The following PLSCR2 variants were observed in gnomAD, a reference collection of about 807,000 sequenced individuals.
PLSCR2 encodes the protein phospholipid scramblase 2, also known as PL scramblase 2.
A neutral mutation model predicts 25.3 loss-of-function variants in PLSCR2; 18 were observed. The ratio of observed to expected loss-of-function variants is 0.71; its 90% confidence interval spans 0.49 to 1.06. PLSCR2 has a LOEUF of 1.06. Among genes scored for constraint, PLSCR2 ranks in the 50% least tolerant of loss-of-function variants. The probability of loss-of-function intolerance (pLI) is 0.00; values close to 1 mark genes in which losing one functional copy is unlikely to be tolerated. For synonymous variants in PLSCR2, 88 were observed against 87.3 expected (o/e 1.01, Z -0.04); for missense variants, 243 against 269.5 (o/e 0.90, Z 0.69).
chr3:146,456,602 G>T (rs1031204875), intron 3 of PLSCR2, among the ~76,000 whole-genome samples: 12 of 152,110 alleles, frequency 7.9e-5, no homozygotes, highest in African/African-American at 2.7e-4. Context: ...AAATCTTGAA[G>T]TTTCCTTCAA....
intron 8 of PLSCR2, among the ~76,000 whole-genome samples, chr3:146,434,537 T>C (rs1383541051): frequency 1.3e-5 from 2 of 151,954 alleles, no homozygotes; most frequent in African/African-American, 2.4e-5. Flanking sequence ...TGTACTTATG[T>C]AGACTTTTAT....
rs375255108 is a variant in PLSCR2, at chr3:146,396,436, G to A, written c.101-515C>T. Among the ~76,000 whole-genome samples, 152 of 152,190 alleles carry A rather than the reference G, an allele frequency of 1.0e-3. 3 individuals are homozygous for A. The South Asian group carries it at 0.031, about 31-fold the overall frequency. ...AAATATAAAACAACAAACCTGGGATGAATCATATTACCTGCCTTGTAATGA... is the reference window on the plus strand; with the variant it reads ...AAATATAAAACAACAAACCTGGGATAAATCATATTACCTGCCTTGTAATGA... On this transcript the variant is annotated intron_variant and NMD_transcript_variant, in intron 2 of 3. Coordinates refer to the PLSCR2 transcript ENST00000463633.
intron 1 of PLSCR2, among the ~76,000 whole-genome samples, chr3:146,478,201 C>G (rs141539187): frequency 9.8e-5 from 15 of 152,302 alleles, no homozygotes; most frequent in African/African-American, 3.1e-4. Context: ...ATCGCAACTG[C>G]TCACCAGCAA....
At position 146,469,492 on chromosome 3, in the gene PLSCR2, T is replaced by TA. The variant is rs971289031; in HGVS notation, c.-292-9209dup. The TA allele has an allele frequency of 5.5e-5, 54 of 983,718 alleles. No individual in the cohort carries two copies. The highest frequency in any genetic ancestry group is 6.3e-5 in the Non-Finnish European group (52 of 828,520). The allele number at this position is 983,718 out of a possible 1,614,324, so 60.9% of individuals were successfully genotyped here. A position where few individuals can be genotyped will look rare whatever the true frequency, so the allele number is the denominator to read the frequency against. ...GAGGCGACTGAGAAAGCCGCCCCCT[T>TA]ACCCGTGGCTGCAGCTGCTCCCGCA... On this transcript the variant is annotated intron_variant, in intron 1 of 8. Transcript: ENST00000336685.
At chr3:146,458,652 C>T (rs1056231526) in intron 2 of PLSCR2, among the ~76,000 whole-genome samples, 199 bp from the exon 3 acceptor site, 6 of 151,946 alleles carry the variant, frequency 3.9e-5, no homozygotes, top group Non-Finnish European at 8.8e-5. Flanking sequence ...TTATTGAAAG[C>T]ATTCACTATT....
At chr3:146,485,916 T>C (rs1487220878) in intron 1 of PLSCR2, among the ~76,000 whole-genome samples, 1 of 151,960 alleles carries the variant, frequency 6.6e-6, no homozygotes, top group Non-Finnish European at 1.5e-5. Context: ...TTTAAAACCA[T>C]CAGATCTTGT....
intron 2 of PLSCR2, among the ~76,000 whole-genome samples, chr3:146,405,322 G>T (rs1352621613): frequency 3.9e-5 from 6 of 152,108 alleles, no homozygotes; most frequent in African/African-American, 1.4e-4. Flanking sequence ...TGAATTCTTG[G>T]GAATTGCGGA....
At chr3:146,400,782 G>A (rs75059285) in intron 2 of PLSCR2, among the ~76,000 whole-genome samples, 124 of 151,890 alleles carry the variant, frequency 8.2e-4, no homozygotes, top group African/African-American at 2.8e-3. Context: ...TCCTAGCTCC[G>A]TGTGTGTATA....
chr3:146,413,488 AT>A (rs1277633007), intron 2 of PLSCR2, among the ~76,000 whole-genome samples: 1 of 152,100 alleles, frequency 6.6e-6, no homozygotes, highest in East Asian at 1.9e-4. Context: ...TTCCTTCAAT[AT>A]TTTGCATAGA....
chr3:146,481,749 C>A (rs2043138601), intron 1 of PLSCR2, among the ~76,000 whole-genome samples: 1 of 152,008 alleles, frequency 6.6e-6, no homozygotes, highest in South Asian at 2.1e-4. Context: ...CATATGGAAC[C>A]AAAAAAGAGA....
intron 8 of PLSCR2, among the ~76,000 whole-genome samples, chr3:146,436,473 T>C (rs1223840920): frequency 6.6e-6 from 1 of 152,204 alleles, no homozygotes; most frequent in Non-Finnish European, 1.5e-5. Context: ...GTAGTTCTCC[T>C]TGAAGAGGTC....
At chr3:146,405,463 A>G (rs974161064) in intron 2 of PLSCR2, among the ~76,000 whole-genome samples, 4 of 152,092 alleles carry the variant, frequency 2.6e-5, no homozygotes, top group Non-Finnish European at 5.9e-5. Context: ...TGGCTCTCTT[A>G]GCTAAGGGAG....
chr3:146,473,186 T>G (rs1417940196), intron 1 of PLSCR2, among the ~76,000 whole-genome samples: 1 of 152,196 alleles, frequency 6.6e-6, no homozygotes, highest in African/African-American at 2.4e-5. Context: ...GTTGAAATCT[T>G]ATGCCCTGCT....
chr3:146,427,974 T>A (rs1312800415), intron 2 of PLSCR2, among the ~76,000 whole-genome samples: 1 of 152,194 alleles, frequency 6.6e-6, no homozygotes, highest in Non-Finnish European at 1.5e-5. Flanking sequence ...TCTCATGGAA[T>A]AAATGCCACA....
At chr3:146,455,319 C>T (rs1268885055) in exon 4 of PLSCR2, 1 of 1,613,994 alleles carries the variant, frequency 6.2e-7, no homozygotes, top group Admixed American at 1.7e-5. Context: ...CCCACATTAT[C>T]AGTAATCCTC....
intron 1 of PLSCR2, among the ~76,000 whole-genome samples, chr3:146,468,912 A>G (rs1280672614): frequency 1.3e-5 from 2 of 152,236 alleles, no homozygotes; most frequent in East Asian, 3.9e-4. Flanking sequence ...GGCAATGGAA[A>G]GAACATATAT....
chr3:146,433,460 G>C (rs994343062), exon 9 of PLSCR2: 1 of 152,064 alleles, frequency 6.6e-6, no homozygotes, highest in African/African-American at 2.4e-5. Context: ...AGTAGAAGAA[G>C]GAAGGAACCG....
At chr3:146,473,043 A>G (rs2042169121) in intron 1 of PLSCR2, among the ~76,000 whole-genome samples, 1 of 151,946 alleles carries the variant, frequency 6.6e-6, no homozygotes, top group South Asian at 2.1e-4. Context: ...GGCATCACCA[A>G]TCCCTCCTTT....
intron 6 of PLSCR2, among the ~76,000 whole-genome samples, chr3:146,444,460 T>C (rs373734986): frequency 1.3e-5 from 2 of 152,156 alleles, no homozygotes; most frequent in East Asian, 1.9e-4. Context: ...TGGGTGCATA[T>C]ATATTTACAA....
Sources: gnomAD v4.1 joint callset for allele counts (sites outside exome capture counted in the v4.1 genomes callset) on GRCh38, gnomAD v4.1.1 for gene constraint, MANE v1.5 for transcripts, NCBI Gene and HGNC (gene_info 2026-07-23, HGNC 2026-07-21) for gene names.